Variants in RSF1 observed in about 807,000 individuals in gnomAD.
The protein encoded by RSF1 is remodeling and spacing factor 1, also known as HBV pX-associated protein 8.
A neutral mutation model predicts 145.2 loss-of-function variants in RSF1; 13 were observed. That is an observed-to-expected ratio of 0.09 (90% CI 0.06 to 0.14). The LOEUF (loss-of-function observed/expected upper bound fraction) is 0.14. Ranked by LOEUF, RSF1 falls within the 10% of genes least tolerant of loss-of-function variation. The pLI is 1.00. For missense variants in RSF1, 1,517 were observed against 1,718.2 expected, an observed-to-expected ratio of 0.88 and a Z score of 2.07; for synonymous variants, 577 against 592.6, an observed-to-expected ratio of 0.97 and a Z score of 0.38.
the RSF1 span, among the ~76,000 whole-genome samples, chr11:77,827,842 T>C: frequency 1.3e-5 from 2 of 152,222 alleles, no homozygotes; most frequent in Non-Finnish European, 2.9e-5. Flanking sequence ...CTATCTTAAA[T>C]TACTGATCTT....
At chr11:77,717,668 G>A (rs1051192406) in intron 5 of RSF1, 3 of 152,102 alleles carry the variant, frequency 2.0e-5, no homozygotes, top group African/African-American at 7.2e-5. Context: ...ACTCATGTAT[G>A]GGAGCTTATC....
chr11:77,864,566 A>G, the RSF1 span, among the ~76,000 whole-genome samples: 2 of 152,274 alleles, frequency 1.3e-5, no homozygotes, highest in Admixed American at 1.3e-4. Flanking sequence ...AACACTAGAA[A>G]TAAACTCAGT....
At chr11:77,865,391 A>G in the RSF1 span, among the ~76,000 whole-genome samples, 168 of 152,302 alleles carry the variant, frequency 1.1e-3, no homozygotes, top group South Asian at 4.4e-3. Flanking sequence ...CTGTTGCTCT[A>G]TCATCTCCTA....
At position 77,698,994 on chromosome 11, in the gene RSF1, T is replaced by C. The variant is rs182683264; in HGVS notation, c.2509-301A>G. Among the ~76,000 whole-genome samples, 331 of 152,374 alleles carry C rather than the reference T, an allele frequency of 2.2e-3. 2 individuals carry two copies. Among genetic ancestry groups the C allele is most frequent in the Non-Finnish European group, 3.9e-3 (263 of 68,030 alleles). On this transcript the variant is annotated intron_variant, in intron 6 of 15. Transcript: ENST00000308488. ...AAATGCCATTACATAACTGTTTTTA[T>C]CTAATCCTCTACTAGACATTTAGGT...
the RSF1 span, among the ~76,000 whole-genome samples, chr11:77,832,941 GTATA>G: frequency 1.3e-3 from 122 of 94,294 alleles, 7 homozygotes; most frequent in Admixed American, 1.5e-3. Flanking sequence ...GCACTTTATT[GTATA>G]TATATATGTG....
chr11:77,767,760 T>A (rs762819455), intron 1 of RSF1, among the ~76,000 whole-genome samples: 1 of 152,226 alleles, frequency 6.6e-6, no homozygotes. Context: ...ACTGTCTGTA[T>A]CACTCATTAA....
In RSF1 at chr11:77,702,280, C is replaced by G; in HGVS notation, c.949G>C (p.Glu317Gln). The change falls in exon 6 of 16, where the codon GAA becomes CAA. Residue 317 changes from glutamate to glutamine, a missense_variant. By Grantham distance (29) the Glu-to-Gln change is conservative. Transcript: ENST00000308488. ...TCAACTTTAATGGGTTTGACATTTTCCTTGAAGGAATCACTTTCTTCTTTG... is the reference window on the plus strand; with the variant it reads ...TCAACTTTAATGGGTTTGACATTTTGCTTGAAGGAATCACTTTCTTCTTTG... ...IIKEESDSFK[E>Q]NVKPIKVEVK... 1 of 1,608,954 alleles carries G rather than the reference C, an allele frequency of 6.2e-7. No individual in the cohort carries two copies. Among genetic ancestry groups the G allele is most frequent in the Non-Finnish European group, 8.5e-7 (1 of 1,178,816 alleles).
At chr11:77,817,429 T>C (rs965216444) in intron 1 of RSF1, among the ~76,000 whole-genome samples, 3 of 152,164 alleles carry the variant, frequency 2.0e-5, no homozygotes, top group Non-Finnish European at 2.9e-5. Context: ...ATATCATCTA[T>C]AGAAATGTGG....
In RSF1 at chr11:77,701,749, T is replaced by C. The variant is rs779448668; in HGVS notation, c.1480A>G (p.Ile494Val). Reference protein sequence around the residue: ...GNGTESLNSVITSMKTGELEK... With the variant: ...GNGTESLNSVVTSMKTGELEK... ...AGCTCACCTGTTTTCATACTTGTTA[T>C]GACAGAATTTAAGGACTCTGTTCCA... is the stretch of plus-strand genomic sequence containing the variant. Residue 494 changes from isoleucine (I) to valine (V), a missense_variant, in exon 6 of 16, where the codon ATA (isoleucine) becomes GTA (valine). Coordinates refer to ENST00000308488, the MANE Select transcript of RSF1 (RefSeq NM_016578.4). The C allele has an allele frequency of 6.2e-7, 1 of 1,613,866 alleles. No homozygotes were observed. Among genetic ancestry groups the C allele is most frequent in the Non-Finnish European group, 8.5e-7 (1 of 1,180,004 alleles).
chr11:77,818,977 C>G (rs1334980113), intron 1 of RSF1, among the ~76,000 whole-genome samples: 1 of 152,088 alleles, frequency 6.6e-6, no homozygotes, highest in East Asian at 1.9e-4. Flanking sequence ...GGAATGTGGA[C>G]AGGTAAGAAC....
At chr11:77,784,390 C>A (rs760062212) in intron 1 of RSF1, among the ~76,000 whole-genome samples, 1 of 151,482 alleles carries the variant, frequency 6.6e-6, no homozygotes, top group Non-Finnish European at 1.5e-5. Flanking sequence ...TCATATTTTT[C>A]TTTAAATACT....
At chr11:77,680,124 C>T (rs1959818091) in intron 11 of RSF1, among the ~76,000 whole-genome samples, 1 of 152,120 alleles carries the variant, frequency 6.6e-6, no homozygotes, top group Non-Finnish European at 1.5e-5. Context: ...GGATTACGGG[C>T]ACACAATGGA....
chr11:77,698,386 A>T, intron 7 of RSF1, 101 bp downstream of exon 7: 1 of 939,712 alleles, frequency 1.1e-6, no homozygotes, highest in Non-Finnish European at 1.7e-6. Flanking sequence ...AGTTATCATT[A>T]AGAAATTCAA....
chr11:77,739,328 T>C (rs1190266328), intron 4 of RSF1: 3 of 152,642 alleles, frequency 2.0e-5, no homozygotes, highest in Admixed American at 1.3e-4. Flanking sequence ...AAGAAAAGAA[T>C]GTTTTAAACA....
At chr11:77,679,572 C>T (rs1370581815) in intron 11 of RSF1, among the ~76,000 whole-genome samples, 1 of 151,430 alleles carries the variant, frequency 6.6e-6, no homozygotes, top group Non-Finnish European at 1.5e-5. Context: ...ACTTGGGGGG[C>T]CGAGACAAGA....
At chr11:77,715,125 T>TA (rs988991403) in intron 5 of RSF1, among the ~76,000 whole-genome samples, 24 of 152,004 alleles carry the variant, frequency 1.6e-4, no homozygotes, top group African/African-American at 5.6e-4. Flanking sequence ...CCTTATCTCT[T>TA]AAAAAAAGTT....
chr11:77,668,108 CTGTCT>C (rs1959419034), intron 15 of RSF1, among the ~76,000 whole-genome samples: 1 of 152,178 alleles, frequency 6.6e-6, no homozygotes, highest in Non-Finnish European at 1.5e-5. Flanking sequence ...AGCAATTCTC[CTGTCT>C]CAGCCTCCCA....
the RSF1 span, among the ~76,000 whole-genome samples, chr11:77,859,872 AT>A: frequency 6.6e-6 from 1 of 152,220 alleles, no homozygotes; most frequent in Non-Finnish European, 1.5e-5. Context: ...ACAGCCTGAT[AT>A]TTAAGTAAAT....
At chr11:77,758,814 T>A (rs1327096283) in intron 2 of RSF1, among the ~76,000 whole-genome samples, 1 of 152,198 alleles carries the variant, frequency 6.6e-6, no homozygotes, top group Non-Finnish European at 1.5e-5. Flanking sequence ...GCTCCTTATA[T>A]GTATTCCAAA....
Sources: gnomAD v4.1 joint callset for allele counts (sites outside exome capture counted in the v4.1 genomes callset) on GRCh38, gnomAD v4.1.1 for gene constraint, MANE v1.5 for transcripts, NCBI Gene and HGNC (gene_info 2026-07-23, HGNC 2026-07-21) for gene names.